Variants in PCDH1 observed in about 807,000 individuals in gnomAD.
PCDH1 encodes protocadherin-1.
PCDH1 carries 23 observed loss-of-function variants against 74.6 expected under a neutral mutation model. The observed-to-expected ratio is 0.31, with a 90% CI of 0.22 to 0.44. The LOEUF (loss-of-function observed/expected upper bound fraction) is 0.44, where lower values mean the gene tolerates loss of function less well. Ranked by LOEUF, PCDH1 falls within the 20% of genes least tolerant of loss-of-function variation. The pLI, the probability that PCDH1 is intolerant of heterozygous loss-of-function variation, is 1.00. For synonymous variants in PCDH1, 647 were observed against 686.1 expected (o/e 0.94, Z 0.89); for missense variants, 1,214 against 1,641.4 (o/e 0.74, Z 4.50).
intron 3 of PCDH1, among the ~76,000 whole-genome samples, chr5:141,861,988 A>C (rs1752586112): frequency 6.6e-6 from 1 of 151,910 alleles, no homozygotes; most frequent in African/African-American, 2.4e-5. Flanking sequence ...GAACCCCCTA[A>C]GAGTGGGGGT....
chr5:141,861,115 CAAAAAA>C (rs59007688), intron 3 of PCDH1, among the ~76,000 whole-genome samples: 2 of 61,944 alleles, frequency 3.2e-5, no homozygotes, highest in African/African-American at 7.0e-5. Flanking sequence ...AACTCCATCT[CAAAAAA>C]AAAAAAAAAA....
At position 141,854,031 on chromosome 5, in the gene PCDH1, C is replaced by T. The variant is rs1752220188; in HGVS notation, c.*11G>A. 6.7e-7 allele frequency: 1 copy of T among 1,492,002 alleles called. No homozygotes were observed. Among genetic ancestry groups the T allele is most frequent in the African/African-American group, 1.4e-5 (1 of 71,362 alleles). 92.4% of individuals were successfully genotyped at this position (1,492,002 alleles called of 1,614,324 possible). On this transcript the variant is annotated 3_prime_UTR_variant, in exon 5 of 5. Transcript: ENST00000287008. ...GGCTGGGGGAGGGGGGCCGGCCGGC[C>T]AGTAGGGGGCTCACAGGTAGATCTC...
intron 3 of PCDH1, chr5:141,862,786 C>T (rs1160842371): frequency 2.9e-6 from 3 of 1,035,812 alleles, no homozygotes; most frequent in African/African-American, 1.7e-5. Flanking sequence ...CTGGCAGACT[C>T]CCCACTCAGT....
intron 1 of PCDH1, among the ~76,000 whole-genome samples, chr5:141,876,122 T>C (rs1336815932): frequency 6.6e-6 from 1 of 151,860 alleles, no homozygotes; most frequent in Non-Finnish European, 1.5e-5. Flanking sequence ...CGAGTGTGTG[T>C]GTGTGTTGCG....
At position 141,864,807 on chromosome 5, in the gene PCDH1, C is replaced by CT; in HGVS notation, c.1523dup (p.Ser509GlufsTer4). Reference sequence around the variant, plus strand: ...CCGGGAAGGCGACCTCAGTGACACTCTGAGTGAAGACAGGTGCGTTGTCAT... The same window carrying CT: ...CCGGGAAGGCGACCTCAGTGACACTCTTGAGTGAAGACAGGTGCGTTGTCAT... On this transcript the variant is annotated frameshift_variant, in exon 3 of 5. Transcript: ENST00000287008. LOFTEE classifies it high-confidence loss of function. This position sits in a 1 kb window ranked among gnomAD's most constrained non-coding sequence, Gnocchi z 5.9. 1 of 1,614,170 alleles carries CT rather than the reference C, an allele frequency of 6.2e-7. No homozygotes were observed. Among genetic ancestry groups the CT allele is most frequent in the East Asian group, 2.2e-5 (1 of 44,878 alleles).
intron 3 of PCDH1, chr5:141,862,722 G>A (rs1351734961): frequency 1.0e-6 from 1 of 995,252 alleles, no homozygotes; most frequent in African/African-American, 1.7e-5. Context: ...CTAGTGGTGA[G>A]GAAGAGGTTA....
Position 141,869,997 on chromosome 5 carries a change from G to T in PCDH1, c.41-566C>A, listed in dbSNP as rs1256001238. On this transcript the variant is annotated intron_variant, in intron 1 of 4. Transcript: ENST00000287008. The surrounding 1 kb of genome is among the most constrained non-coding windows in gnomAD (Gnocchi z 4.9). The stretch of plus-strand genomic sequence containing the variant: ...ACTTGTCACACTGGGCTCCATTAAG[G>T]TTGGCTGGAGGGAGAGGGGATGATG... 2.6e-5 allele frequency among the ~76,000 whole-genome samples: 4 copies of T among 152,288 alleles called. No homozygotes were observed. Among genetic ancestry groups the T allele is most frequent in the East Asian group, 1.9e-4 (1 of 5,174 alleles).
At chr5:141,874,448 C>T (rs2126833160) in intron 1 of PCDH1, among the ~76,000 whole-genome samples, 1 of 152,348 alleles carries the variant, frequency 6.6e-6, no homozygotes, top group African/African-American at 2.4e-5. Context: ...GTGACATGGG[C>T]ACCCAGGACC....
At chr5:141,857,773 G>A (rs141479182) in intron 3 of PCDH1, among the ~76,000 whole-genome samples, 8 of 152,220 alleles carry the variant, frequency 5.3e-5, no homozygotes, top group Non-Finnish European at 1.0e-4. Flanking sequence ...CAGTGCAACC[G>A]CTTGTTATAG....
Position 141,857,326 on chromosome 5 carries a change from A to G in PCDH1, c.3245T>C (p.Leu1082Pro), listed in dbSNP as rs1596545411. Residue 1082 changes from leucine to proline, a missense_variant, in exon 4 of 5, where the codon CTG (leucine) becomes CCG (proline). Coordinates refer to ENST00000287008, the MANE Select transcript of PCDH1 (RefSeq NM_032420.5). ...KSSSGPRLGP[L>P]ALPEDHYERT... Reference sequence around the variant, plus strand: ...CTCATAGTGATCCTCAGGCAGGGCCAGGGGACCGAGTCGAGGCCCTGAGGA... The same window carrying G: ...CTCATAGTGATCCTCAGGCAGGGCCGGGGGACCGAGTCGAGGCCCTGAGGA... 1 of 1,613,704 alleles carries G rather than the reference A, an allele frequency of 6.2e-7. No homozygotes were observed. The highest frequency in any genetic ancestry group is 8.5e-7 in the Non-Finnish European group (1 of 1,179,874).
intron 3 of PCDH1, among the ~76,000 whole-genome samples, chr5:141,860,524 C>T (rs866149206): frequency 6.8e-6 from 1 of 147,918 alleles, no homozygotes; most frequent in Non-Finnish European, 1.5e-5. Context: ...AAAGGTTAAA[C>T]GAAGTCTAAC....
In PCDH1 at chr5:141,863,625, A is replaced by G. The variant is rs1425605107; in HGVS notation, c.2706T>C (p.Ser902=). 6.2e-7 allele frequency: 1 copy of G among 1,614,128 alleles called. No homozygotes were observed. The highest frequency in any genetic ancestry group is 8.5e-7 in the Non-Finnish European group (1 of 1,180,022). The part of the protein sequence containing the change: ...ETKDLYAPKP[S]GKASKGNKSK... ...TTTTGTTTCCCTTGGAGGCCTTGCC[A>G]CTGGGCTTGGGGGCATACAGGTCCT... Residue 902 remains serine, a synonymous_variant, in exon 3 of 5, where the codon AGT becomes AGC. Transcript: ENST00000287008. This position sits in a 1 kb window ranked among gnomAD's most constrained non-coding sequence, Gnocchi z 7.5.
At position 141,865,337 on chromosome 5, in the gene PCDH1, G is replaced by A; in HGVS notation, c.994C>T (p.Leu332=). 1 of 1,614,216 alleles carries A rather than the reference G, an allele frequency of 6.2e-7. No individual in the cohort carries two copies. Among genetic ancestry groups the A allele is most frequent in the Admixed American group, 1.7e-5 (1 of 60,026 alleles). Residue 332 remains leucine (L), a synonymous_variant, in exon 3 of 5, where the codon CTG becomes TTG. Transcript: ENST00000287008. The surrounding 1 kb of genome is among the most constrained non-coding windows in gnomAD (Gnocchi z 4.4). Reference sequence around the variant, plus strand: ...GTGATAAGTCCAGTGTTCCTGTCCAGTCGAAGAAGACGCCTCACAACTTCG... The same window carrying A: ...GTGATAAGTCCAGTGTTCCTGTCCAATCGAAGAAGACGCCTCACAACTTCG... The part of the protein sequence containing the change: ...APEVVRRLLR[L]DRNTGLITVQ...
At chr5:141,870,326 G>C (rs1753059342) in intron 1 of PCDH1, among the ~76,000 whole-genome samples, 1 of 152,186 alleles carries the variant, frequency 6.6e-6, no homozygotes, top group Non-Finnish European at 1.5e-5. Flanking sequence ...AGTTGCTAGG[G>C]CTCCTCTCCT....
At chr5:141,861,868 G>A (rs1752578323) in intron 3 of PCDH1, among the ~76,000 whole-genome samples, 1 of 152,120 alleles carries the variant, frequency 6.6e-6, no homozygotes, top group Non-Finnish European at 1.5e-5. Context: ...TGGAGAGAGA[G>A]AGAGTGCAAG....
At chr5:141,857,738 C>A (rs1752405595) in intron 3 of PCDH1, among the ~76,000 whole-genome samples, 1 of 152,196 alleles carries the variant, frequency 6.6e-6, no homozygotes. Flanking sequence ...ATTATAGCCC[C>A]TATGCTACCC....
intron 1 of PCDH1, among the ~76,000 whole-genome samples, chr5:141,876,768 CAGGTGTGCGGGACCCACCA>C (rs1753248063): frequency 6.6e-6 from 1 of 150,598 alleles, no homozygotes; most frequent in Admixed American, 6.6e-5. Context: ...GAGACGAACC[CAGGTGTGCGGGACCCACCA>C]AGGTGTGTGG....
chr5:141,876,400 G>A (rs780505213), intron 1 of PCDH1, among the ~76,000 whole-genome samples: 1 of 152,212 alleles, frequency 6.6e-6, no homozygotes, highest in Non-Finnish European at 1.5e-5. Flanking sequence ...GCCAGGAGGG[G>A]GCGGGGAGGG....
chr5:141,856,671 G>C (rs1752352125), intron 4 of PCDH1, among the ~76,000 whole-genome samples: 1 of 151,030 alleles, frequency 6.6e-6, no homozygotes, highest in Non-Finnish European at 1.5e-5. Context: ...ATCCCTCCCA[G>C]ACAGGCCTTT....
Sources: gnomAD v4.1 joint callset for allele counts (sites outside exome capture counted in the v4.1 genomes callset) on GRCh38, gnomAD v4.1.1 for gene constraint, Gnocchi (gnomAD v3.1) non-coding constraint, MANE v1.5 for transcripts, NCBI Gene and HGNC (gene_info 2026-07-23, HGNC 2026-07-21) for gene names.